Variants in BCAR3 observed in about 807,000 individuals in gnomAD.
BCAR3 encodes the protein BCAR3 adaptor protein, NSP family member, also known as breast cancer anti-estrogen resistance protein 3.
A neutral mutation model predicts 80.1 loss-of-function variants in BCAR3; 37 were observed. The ratio of observed to expected loss-of-function variants is 0.46; its 90% CI spans 0.36 to 0.61. The LOEUF (loss-of-function observed/expected upper bound fraction) is 0.61. Among genes scored for constraint, BCAR3 ranks in the 20% least tolerant of loss-of-function variants. The pLI is 0.00. For synonymous variants in BCAR3, 389 were observed against 418.9 expected, an observed-to-expected ratio of 0.93 and a Z score of 0.87; for missense variants, 978 against 1,068.2, an observed-to-expected ratio of 0.92 and a Z score of 1.18.
At chr1:93,643,101 T>C (rs1416564605) in intron 2 of BCAR3, among the ~76,000 whole-genome samples, 1 of 151,416 alleles carries the variant, frequency 6.6e-6, no homozygotes, top group African/African-American at 2.4e-5. Context: ...GTGGCGCATG[T>C]CTGTAATCCC....
chr1:93,845,502 A>ATGTATATATATCTCATGTTGTCAAG, intron 2 of BCAR3: 1 of 113,826 alleles, frequency 8.8e-6, no homozygotes, highest in South Asian at 2.7e-4. Context: ...ATATATATAT[A>ATGTATATATATCTCATGTTGTCAAG]AAACTTTGTT....
At chr1:93,596,664 G>A (rs763256387) in intron 3 of BCAR3, among the ~76,000 whole-genome samples, 2 of 152,204 alleles carry the variant, frequency 1.3e-5, no homozygotes, top group Admixed American at 6.5e-5. Flanking sequence ...TGCAATAAAC[G>A]TTAATAATGA....
intron 2 of BCAR3, among the ~76,000 whole-genome samples, chr1:93,706,480 T>C (rs1037147928): frequency 1.3e-5 from 2 of 152,038 alleles, no homozygotes; most frequent in African/African-American, 4.8e-5. Flanking sequence ...TACTTTTCAA[T>C]AGAGGTAGAG....
At chr1:93,745,377 T>C (rs538805565) in intron 2 of BCAR3, among the ~76,000 whole-genome samples, 1 of 152,380 alleles carries the variant, frequency 6.6e-6, no homozygotes, top group Non-Finnish European at 1.5e-5. Context: ...GAGGGGCCCA[T>C]GGCTCAGTTG....
chr1:93,845,548 T>G (rs1486732752), intron 2 of BCAR3: 1 of 145,342 alleles, frequency 6.9e-6, no homozygotes, highest in Non-Finnish European at 1.5e-5. Flanking sequence ...CTGGCACCAA[T>G]CAGGGCTCTG....
At chr1:93,629,525 T>G (rs1475494683) in intron 3 of BCAR3, among the ~76,000 whole-genome samples, 1 of 152,262 alleles carries the variant, frequency 6.6e-6, no homozygotes, top group Non-Finnish European at 1.5e-5. Context: ...TTTCATGTAT[T>G]GTAAACACAG....
intron 2 of BCAR3, among the ~76,000 whole-genome samples, chr1:93,825,642 C>A (rs542215151): frequency 1.2e-5 from 1 of 80,104 alleles, no homozygotes; most frequent in African/African-American, 3.2e-5. Context: ...CGGCCTTCCA[C>A]CCTCCTTCCC....
intron 2 of BCAR3, among the ~76,000 whole-genome samples, chr1:93,840,808 T>C (rs17110544): frequency 0.13 from 19,632 of 152,252 alleles, 1,912 homozygotes; most frequent in African/African-American, 0.26. Context: ...GCTTCTGGTC[T>C]AATGCAGAAG....
At chr1:93,614,011 C>G (rs967334673) in intron 3 of BCAR3, 3 of 1,528,412 alleles carry the variant, frequency 2.0e-6, no homozygotes, top group African/African-American at 2.8e-5. Flanking sequence ...AGCCCTAGCC[C>G]ACCACAGCAG....
chr1:93,659,623 C>T (rs1647558099), intron 2 of BCAR3, among the ~76,000 whole-genome samples: 1 of 152,044 alleles, frequency 6.6e-6, no homozygotes, highest in Admixed American at 6.6e-5. Flanking sequence ...AAGGTTATTA[C>T]ATGGGACAGT....
intron 2 of BCAR3, among the ~76,000 whole-genome samples, chr1:93,836,341 C>A (rs573090840): frequency 3.9e-5 from 6 of 152,308 alleles, no homozygotes; most frequent in African/African-American, 1.4e-4. Flanking sequence ...CATTAGATGT[C>A]CTGGGTCCTC....
intron 1 of BCAR3, among the ~76,000 whole-genome samples, chr1:93,676,781 G>A (rs544273878): frequency 4.6e-5 from 7 of 152,304 alleles, no homozygotes; most frequent in Admixed American, 1.3e-4. Context: ...AAAGAACCTC[G>A]TGGGGAGGCC....
At chr1:93,829,633 G>A (rs1019608087) in intron 2 of BCAR3, among the ~76,000 whole-genome samples, 3 of 151,726 alleles carry the variant, frequency 2.0e-5, no homozygotes, top group Admixed American at 6.6e-5. Context: ...TTACAGGCAC[G>A]AGCCACCACG....
chr1:93,654,463 T>C (rs1647274999), intron 2 of BCAR3, among the ~76,000 whole-genome samples: 2 of 152,024 alleles, frequency 1.3e-5, no homozygotes, highest in Admixed American at 6.6e-5. Flanking sequence ...ATAACCTGAA[T>C]GAGTGTGGGA....
chr1:93,806,248 A>G (rs1653648889), intron 2 of BCAR3, among the ~76,000 whole-genome samples: 1 of 152,242 alleles, frequency 6.6e-6, no homozygotes, highest in South Asian at 2.1e-4. Flanking sequence ...TTTGATATGC[A>G]TAAACACAGG....
At chr1:93,817,073 A>G (rs1654047667) in intron 2 of BCAR3, among the ~76,000 whole-genome samples, 2 of 152,222 alleles carry the variant, frequency 1.3e-5, no homozygotes, top group Non-Finnish European at 2.9e-5. Flanking sequence ...CTTCTCAGCC[A>G]TCTGTTTCCC....
chr1:93,806,392 G>A (rs1467265300), intron 2 of BCAR3, among the ~76,000 whole-genome samples: 1 of 152,172 alleles, frequency 6.6e-6, no homozygotes, highest in African/African-American at 2.4e-5. Flanking sequence ...AAGCTGGATA[G>A]GACTAACATG....
At chr1:93,620,552 C>T (rs964360614) in intron 3 of BCAR3, among the ~76,000 whole-genome samples, 1 of 152,000 alleles carries the variant, frequency 6.6e-6, no homozygotes, top group African/African-American at 2.4e-5. Flanking sequence ...TGGGTGGTAC[C>T]CCTCCTTTCC....
At chr1:93,778,149 A>G (rs968876122) in intron 2 of BCAR3, among the ~76,000 whole-genome samples, 2 of 152,100 alleles carry the variant, frequency 1.3e-5, no homozygotes, top group Non-Finnish European at 2.9e-5. Context: ...TGGACCATCC[A>G]TTTCTGAAAT....
Sources: allele counts gnomAD v4.1 joint callset (sites outside exome capture counted in the v4.1 genomes callset), GRCh38; gene constraint gnomAD v4.1.1; transcripts MANE v1.5; gene names NCBI Gene and HGNC (gene_info 2026-07-23, HGNC 2026-07-21).